Variants in EPS8L2 observed in about 807,000 individuals in gnomAD.
EPS8L2 encodes epidermal growth factor receptor kinase substrate 8-like protein 2.
EPS8L2 carries 81 observed loss-of-function variants against 99.4 expected under a neutral mutation model. That is an observed-to-expected ratio of 0.82 (90% CI 0.68 to 0.98). The LOEUF is 0.98. Among genes scored for constraint, EPS8L2 ranks in the 50% least tolerant of loss-of-function variants. The pLI is 0.00. For synonymous variants in EPS8L2, 509 were observed against 407.3 expected (o/e 1.25, Z -3.01); for missense variants, 1,155 against 968.8 (o/e 1.19, Z -2.55).
In EPS8L2 at chr11:724,154, C is replaced by A. The variant is rs1862258373; in HGVS notation, c.1455-570C>A. Among the ~76,000 whole-genome samples, 1 of 152,182 alleles carries A rather than the reference C, an allele frequency of 6.6e-6. No individual in the cohort carries two copies. The highest frequency in any genetic ancestry group is 2.1e-4 in the South Asian group (1 of 4,828). ...GCCCTGATGACCAGGGCCACACTGACCAGGATGGACGGCCTGGCCAGGTGA... is the reference window on the plus strand; with the variant it reads ...GCCCTGATGACCAGGGCCACACTGAACAGGATGGACGGCCTGGCCAGGTGA... On this transcript the variant is annotated intron_variant, in intron 15 of 20. Transcript: ENST00000318562. The surrounding 1 kb of genome is among the most constrained non-coding windows in gnomAD (Gnocchi z 5.5).
chr11:717,862 A>C (rs1195038116), intron 4 of EPS8L2, among the ~76,000 whole-genome samples: 1 of 151,868 alleles, frequency 6.6e-6, no homozygotes, highest in South Asian at 2.1e-4. Flanking sequence ...ACAAAAAATT[A>C]GCCGGGCGTG....
At position 726,710 on chromosome 11, in the gene EPS8L2, C is replaced by T. The variant is rs1214753726; in HGVS notation, c.2026C>T (p.Arg676Cys). Residue 676 changes from arginine to cysteine, a missense_variant, in exon 20 of 21, where the codon CGC (arginine) becomes TGC (cysteine). Physicochemically the swap from Arg to Cys is radical, Grantham distance 180 (BLOSUM62 -3). Transcript: ENST00000318562. ...LKKVCGEEGV[R>C]VYSQLTMQKA... Reference sequence around the variant, plus strand: ...GAAAGTGTGCGGCGAGGAGGGCGTCCGCGTGTACAGCCAGCTCACCATGCA... The same window carrying T: ...GAAAGTGTGCGGCGAGGAGGGCGTCTGCGTGTACAGCCAGCTCACCATGCA... 5 of 1,592,334 alleles carry T rather than the reference C, an allele frequency of 3.1e-6. 1 individual carries two copies. In the South Asian group the frequency reaches 5.7e-5, roughly 18 times the overall value.
In EPS8L2 at chr11:727,291, T is replaced by TG. The variant is rs568336791; in HGVS notation, c.*316dup. The TG allele has an allele frequency of 9.0e-4, 252 of 280,806 alleles. No homozygotes were observed. Among genetic ancestry groups the TG allele is most frequent in the Admixed American group, 2.6e-3 (53 of 20,126 alleles). The allele number at this position is 280,806 out of a possible 1,614,324, so 17.4% of individuals were successfully genotyped here. The stretch of plus-strand genomic sequence containing the variant: ...CTTTCTCTGGCCTCCCCTGTGCACC[T>TG]GGGGGGTCCTGGCCCCTGTGATGCT... On this transcript the variant is annotated 3_prime_UTR_variant, in exon 21 of 21. Coordinates refer to ENST00000318562, the MANE Select transcript of EPS8L2 (RefSeq NM_022772.4).
At chr11:707,362 G>A (rs1190654221) in intron 1 of EPS8L2, among the ~76,000 whole-genome samples, 1 of 152,188 alleles carries the variant, frequency 6.6e-6, no homozygotes, top group African/African-American at 2.4e-5. Context: ...TATGAGGGCA[G>A]CCTGGAGCCC....
At chr11:707,135 C>G (rs1861746657) in intron 1 of EPS8L2, among the ~76,000 whole-genome samples, 1 of 152,062 alleles carries the variant, frequency 6.6e-6, no homozygotes, top group Non-Finnish European at 1.5e-5. Context: ...CCCTCCTCCC[C>G]TCGCGGCCCC....
intron 3 of EPS8L2, 181 bp downstream of exon 3, chr11:709,789 T>C: frequency 1.5e-6 from 1 of 646,072 alleles, no homozygotes; most frequent in Non-Finnish European, 2.7e-6. Context: ...CTGGATCCCC[T>C]CCCCCACACC....
chr11:709,684 C>G, intron 3 of EPS8L2, 76 bp downstream of exon 3: 8 of 1,498,298 alleles, frequency 5.3e-6, no homozygotes, highest in Non-Finnish European at 9.1e-7. Flanking sequence ...GACAGCTGCT[C>G]CTGCCCCACA....
chr11:723,359 C>G lies in EPS8L2; in HGVS notation c.1454+6C>G. ...AGCTCCCCACATACTCACAGGTAAG[C>G]CCCCCTCAAAGTGAGGGAGCATGAA... On this transcript the variant is annotated splice_donor_region_variant and intron_variant, in intron 15 of 20. Coordinates refer to ENST00000318562, the MANE Select transcript of EPS8L2 (RefSeq NM_022772.4). The G allele has an allele frequency of 7.4e-7, 1 of 1,349,432 alleles. No homozygotes were observed. Among genetic ancestry groups the G allele is most frequent in the Non-Finnish European group, 1.0e-6 (1 of 978,618 alleles). The allele number at this position is 1,349,432 out of a possible 1,614,324, so 83.6% of individuals were successfully genotyped here. A position where few individuals can be genotyped will look rare whatever the true frequency, so the allele number is the denominator to read the frequency against.
chr11:726,636 G>A lies in EPS8L2; in HGVS notation c.1952G>A (p.Gly651Asp). Reference protein sequence around the residue: ...AFSPRIVENLGILTGPQLFSL... With the variant: ...AFSPRIVENLDILTGPQLFSL... ...GCCCCCAGGATCGTGGAGAACCTGG[G>A]CATCCTGACCGGGCCGCAGCTCTTC... Residue 651 changes from glycine (G) to aspartate (D), a missense_variant, in exon 20 of 21, where the codon GGC becomes GAC. Coordinates refer to ENST00000318562, the MANE Select transcript of EPS8L2 (RefSeq NM_022772.4). 1 of 1,554,502 alleles carries A rather than the reference G, an allele frequency of 6.4e-7. No homozygotes were observed. The highest frequency in any genetic ancestry group is 1.8e-4 in the Middle Eastern group (1 of 5,666).
chr11:720,866 G>C lies in EPS8L2; in HGVS notation c.514G>C (p.Ala172Pro). Residue 172 changes from alanine (A) to proline (P), a missense_variant, in exon 7 of 21, where the codon GCC (alanine) becomes CCC (proline). By Grantham distance (27) the Ala-to-Pro change is conservative. Coordinates refer to ENST00000318562, the MANE Select transcript of EPS8L2 (RefSeq NM_022772.4). ...LVHEDIESAL[A>P]DCRLGKKMRP... ...GCACGAGGACATCGAGAGCGCGTTG[G>C]CCGACTGCCGGCTGGGCAAGAAGAT... 1.3e-6 allele frequency: 2 copies of C among 1,533,172 alleles called. No individual in the cohort carries two copies. The highest frequency in any genetic ancestry group is 1.7e-6 in the Non-Finnish European group (2 of 1,143,304). 95.0% of individuals were successfully genotyped at this position (1,533,172 alleles called of 1,614,324 possible). A position where few individuals can be genotyped will look rare whatever the true frequency, so the allele number is the denominator to read the frequency against.
At chr11:709,666 A>C in intron 3 of EPS8L2, 58 bp downstream of exon 3, 1 of 1,582,700 alleles carries the variant, frequency 6.3e-7, no homozygotes, top group Non-Finnish European at 8.6e-7. Flanking sequence ...CACTGCATCC[A>C]GGTGGGGGAC....
chr11:706,310 G>A (rs11246277), intron 1 of EPS8L2, 22 bp downstream of exon 1: 28,188 of 151,584 alleles, frequency 0.19, 2,893 homozygotes, highest in African/African-American at 0.27. Flanking sequence ...GGACACGGGG[G>A]AGCGCGCCCG....
At position 727,091 on chromosome 11, in the gene EPS8L2, G is replaced by A; in HGVS notation, c.*110G>A. On this transcript the variant is annotated 3_prime_UTR_variant, in exon 21 of 21. Coordinates refer to ENST00000318562, the MANE Select transcript of EPS8L2 (RefSeq NM_022772.4). Reference sequence around the variant, plus strand: ...GTATCAAGGACACGGAGGGGGTGTGGTGCTGGCTAGAGGTCCCTGCCCCTG... The same window carrying A: ...GTATCAAGGACACGGAGGGGGTGTGATGCTGGCTAGAGGTCCCTGCCCCTG... 1 of 805,394 alleles carries A rather than the reference G, an allele frequency of 1.2e-6. No homozygotes were observed. Among genetic ancestry groups the A allele is most frequent in the Middle Eastern group, 3.3e-4 (1 of 3,034 alleles). The allele number at this position is 805,394 out of a possible 1,614,324, so 49.9% of individuals were successfully genotyped here. A position where few individuals can be genotyped will look rare whatever the true frequency, so the allele number is the denominator to read the frequency against.
chr11:722,127 G>C lies in EPS8L2; in HGVS notation c.1021G>C (p.Ala341Pro), dbSNP rs528336256. ...LQKHIQNPSA[A>P]ELVHFLFGPL... ...GAAGCACATCCAGAACCCCAGCGCCGCGGAGCTCGTGCACTTCCTCTTCGG... is the reference window on the plus strand; with the variant it reads ...GAAGCACATCCAGAACCCCAGCGCCCCGGAGCTCGTGCACTTCCTCTTCGG... The change falls in exon 12 of 21, where the codon GCG (alanine) becomes CCG (proline). Residue 341 changes from alanine (A) to proline (P), a missense_variant. By Grantham distance (27) the Ala-to-Pro change is conservative. Transcript: ENST00000318562. 1 of 1,612,860 alleles carries C rather than the reference G, an allele frequency of 6.2e-7. No individual in the cohort carries two copies. Among genetic ancestry groups the C allele is most frequent in the East Asian group, 2.2e-5 (1 of 44,890 alleles).
chr11:710,124 G>T, intron 3 of EPS8L2: 2 of 417,752 alleles, frequency 4.8e-6, no homozygotes, highest in South Asian at 2.7e-5. Flanking sequence ...CCCCCTTCCT[G>T]TCCCCTCACC....
Position 720,683 on chromosome 11 carries a change from C to T in EPS8L2, c.414C>T (p.Leu138=). 4 of 1,592,552 alleles carry T rather than the reference C, an allele frequency of 2.5e-6. No homozygotes were observed. Among genetic ancestry groups the T allele is most frequent in the South Asian group, 2.3e-5 (2 of 88,064 alleles). Residue 138 remains leucine, a synonymous_variant, in exon 6 of 21, where the codon CTC becomes CTT. Coordinates refer to ENST00000318562, the MANE Select transcript of EPS8L2 (RefSeq NM_022772.4). ...NQLRYPSVLL[L]VCQDSEQSKP... ...TGCGCTACCCGTCTGTGCTGCTGCT[C>T]GTGTGCCAGGACTCGGAGCAGAGCA...
intron 3 of EPS8L2, chr11:709,984 C>G (rs888473264): frequency 4.9e-6 from 2 of 406,496 alleles, no homozygotes; most frequent in Non-Finnish European, 9.1e-6. Context: ...CGACCCTGCC[C>G]TCTCGCTAGC....
intron 14 of EPS8L2, among the ~76,000 whole-genome samples, 189 bp from the exon 15 acceptor site, chr11:723,052 G>C (rs867093036): frequency 3.3e-4 from 39 of 119,032 alleles, no homozygotes; most frequent in African/African-American, 1.2e-3. Flanking sequence ...CGCCCCTTCA[G>C]CCACAGCTCA....
intron 6 of EPS8L2, 34 bp downstream of exon 6, chr11:720,780 C>CGGCCG (rs1564975456): frequency 6.5e-7 from 1 of 1,539,292 alleles, no homozygotes; most frequent in Admixed American, 2.0e-5. Flanking sequence ...GGGTGGGGCC[C>CGGCCG]CGCCGCGCCG....
Sources: gnomAD v4.1 joint callset for allele counts (sites outside exome capture counted in the v4.1 genomes callset) on GRCh38, gnomAD v4.1.1 for gene constraint, Gnocchi (gnomAD v3.1) non-coding constraint, MANE v1.5 for transcripts, NCBI Gene and HGNC (gene_info 2026-07-23, HGNC 2026-07-21) for gene names.